BFSP1: variants seen among roughly 807,000 people sequenced by gnomAD.
BFSP1 encodes beaded filament structural protein 1.
Under a neutral mutation model 43.9 loss-of-function variants are expected in BFSP1, and 38 were observed. The ratio of observed to expected loss-of-function variants is 0.87; its 90% confidence interval spans 0.67 to 1.14. The LOEUF (loss-of-function observed/expected upper bound fraction) is 1.14, where lower values mean the gene tolerates loss of function less well. Among genes scored for constraint, BFSP1 ranks in the 50% most tolerant of loss-of-function variants. The probability of loss-of-function intolerance (pLI) is 0.00; values close to 1 mark genes in which losing one functional copy is unlikely to be tolerated. For synonymous variants in BFSP1, 352 were observed against 354.8 expected (o/e 0.99, Z 0.09); for missense variants, 850 against 875.1 (o/e 0.97, Z 0.36).
intron 2 of BFSP1, among the ~76,000 whole-genome samples, chr20:17,517,575 TG>T (rs1361081024): frequency 7.2e-5 from 11 of 152,184 alleles, no homozygotes; most frequent in Non-Finnish European, 1.3e-4. Context: ...TGAGCCACCG[TG>T]CCTGGCCAAC....
At chr20:17,551,692 AT>A (rs2034897771) in intron 1 of BFSP1, among the ~76,000 whole-genome samples, 1 of 152,190 alleles carries the variant, frequency 6.6e-6, no homozygotes, top group South Asian at 2.1e-4. Flanking sequence ...AGTGAAAAAA[AT>A]AAAATAAGGC....
At chr20:17,549,905 C>T (rs1316044744) in intron 1 of BFSP1, among the ~76,000 whole-genome samples, 1 of 152,090 alleles carries the variant, frequency 6.6e-6, no homozygotes, top group Admixed American at 6.6e-5. Flanking sequence ...ATCCAATCAC[C>T]TCTCACTAGG....
At chr20:17,551,282 G>C (rs2034892092) in intron 1 of BFSP1, among the ~76,000 whole-genome samples, 1 of 152,150 alleles carries the variant, frequency 6.6e-6, no homozygotes, top group Non-Finnish European at 1.5e-5. Context: ...AAGGCAAAGG[G>C]GGAGCTGTCT....
intron 1 of BFSP1, among the ~76,000 whole-genome samples, chr20:17,537,568 CAAAAAAAAA>C (rs901895418): frequency 1.6e-5 from 1 of 63,826 alleles, no homozygotes; most frequent in Non-Finnish European, 3.2e-5. Context: ...ACTGAAGCAC[CAAAAAAAAA>C]AAAAAAAAAA....
chr20:17,514,829 C>T lies in BFSP1; in HGVS notation c.439-13G>A, dbSNP rs2034163408. 1.2e-6 allele frequency: 2 copies of T among 1,611,760 alleles called. No homozygotes were observed. The highest frequency in any genetic ancestry group is 1.3e-5 in the African/African-American group (1 of 74,882). On this transcript the variant is annotated splice_polypyrimidine_tract_variant and intron_variant, in intron 2 of 7. Coordinates refer to ENST00000377873, the MANE Select transcript of BFSP1 (RefSeq NM_001195.5). ...CTTCATCAGCTTCCTGCAATGAGAG[C>T]CACATATCCCTGGCCACAGGCACCA...
chr20:17,543,326 A>T (rs980715151), intron 1 of BFSP1, among the ~76,000 whole-genome samples: 1 of 152,236 alleles, frequency 6.6e-6, no homozygotes, highest in Non-Finnish European at 1.5e-5. Flanking sequence ...AGAGCCCATG[A>T]AATGTTGTCT....
At chr20:17,517,000 G>C in intron 2 of BFSP1, 1 of 766,222 alleles carries the variant, frequency 1.3e-6, no homozygotes. Flanking sequence ...CTGGAGGATG[G>C]ATGTGCTTTG....
chr20:17,503,561 C>T (rs2033856414), intron 5 of BFSP1, among the ~76,000 whole-genome samples: 1 of 152,138 alleles, frequency 6.6e-6, no homozygotes, highest in South Asian at 2.1e-4. Flanking sequence ...TCATTATTTC[C>T]ACTTTACAGA....
rs2033970955 is a variant in BFSP1 at position 17,507,628 on chromosome 20, C to T, written c.735+1261G>A. Among the ~76,000 whole-genome samples, 1 of 151,966 alleles carries T rather than the reference C, an allele frequency of 6.6e-6. No individual in the cohort carries two copies. The highest frequency in any genetic ancestry group is 6.6e-5 in the Admixed American group (1 of 15,246). ...ACATACACATCCCACATATATCACACATACCATGTATATCACACACACACA... is the reference window on the plus strand; with the variant it reads ...ACATACACATCCCACATATATCACATATACCATGTATATCACACACACACA... On this transcript the variant is annotated intron_variant, in intron 5 of 7. Coordinates refer to ENST00000377873, the MANE Select transcript of BFSP1 (RefSeq NM_001195.5). This position sits in a 1 kb window ranked among gnomAD's most constrained non-coding sequence, Gnocchi z 4.4.
At chr20:17,552,049 A>G (rs541204267) in intron 1 of BFSP1, among the ~76,000 whole-genome samples, 4 of 152,326 alleles carry the variant, frequency 2.6e-5, no homozygotes, top group Middle Eastern at 3.4e-3. Flanking sequence ...CTTATATTCA[A>G]TTGGAGAAAA....
At chr20:17,516,369 T>G (rs1286481614) in intron 2 of BFSP1, among the ~76,000 whole-genome samples, 1 of 152,134 alleles carries the variant, frequency 6.6e-6, no homozygotes, top group Non-Finnish European at 1.5e-5. Context: ...TAAAAGGCAC[T>G]TGGTTCCTTA....
chr20:17,548,084 A>G lies in BFSP1; in HGVS notation c.2+10604T>C, dbSNP rs2034835487. Among the ~76,000 whole-genome samples, 6 of 151,108 alleles carry G rather than the reference A, an allele frequency of 4.0e-5. No homozygotes were observed. In the South Asian group the frequency reaches 1.3e-3, roughly 32 times the overall value. On this transcript the variant is annotated intron_variant, in intron 1 of 7. Coordinates refer to the BFSP1 transcript ENST00000377868. ...TTTTTATGGAAACGGGGGAAAAACAAATATTAATAGTGGGCATAATCTATC... is the reference window on the plus strand; with the variant it reads ...TTTTTATGGAAACGGGGGAAAAACAGATATTAATAGTGGGCATAATCTATC...
At chr20:17,546,031 C>T (rs981330795) in intron 1 of BFSP1, among the ~76,000 whole-genome samples, 5 of 152,132 alleles carry the variant, frequency 3.3e-5, no homozygotes, top group African/African-American at 7.2e-5. Context: ...CTTTCCTGTG[C>T]GAGATCCAAG....
intron 1 of BFSP1, chr20:17,558,590 G>C: frequency 7.5e-7 from 1 of 1,334,280 alleles, no homozygotes; most frequent in Non-Finnish European, 1.0e-6. Context: ...CCCGCTTGCT[G>C]TACCTTCTAC....
chr20:17,528,594 G>A (rs1428392245), intron 1 of BFSP1, among the ~76,000 whole-genome samples: 1 of 152,192 alleles, frequency 6.6e-6, no homozygotes, highest in East Asian at 1.9e-4. Context: ...TCAAGATACA[G>A]TGTTCCCGAA....
chr20:17,498,672 G>T, intron 6 of BFSP1, 148 bp downstream of exon 6: 1 of 938,988 alleles, frequency 1.1e-6, no homozygotes, highest in South Asian at 1.6e-5. Flanking sequence ...TCCCCTACTA[G>T]TTATCCAACA....
chr20:17,529,677 A>C (rs1017625176), intron 1 of BFSP1, among the ~76,000 whole-genome samples: 1 of 152,222 alleles, frequency 6.6e-6, no homozygotes, highest in African/African-American at 2.4e-5. Flanking sequence ...GTCTCCTTTT[A>C]ATGGGCATTT....
chr20:17,494,421 C>A lies in BFSP1; in HGVS notation c.1651G>T (p.Ala551Ser). 6.2e-7 allele frequency: 1 copy of A among 1,614,240 alleles called. No homozygotes were observed. The change falls in exon 8 of 8, where the codon GCA (alanine) becomes TCA (serine). Residue 551 changes from alanine to serine, a missense_variant. By Grantham distance (99) the Ala-to-Ser change is moderately conservative. Transcript: ENST00000377873. ...TTCTCTTCAGGGCCTTCCAGCTCTG[C>A]ACCATCTGGCTCAATCTCCTTGTCT... ...PIDKEIEPDG[A>S]ELEGPEEKRE...
rs141908653 is a variant in BFSP1, at chr20:17,557,480, C to T, written c.2+1208G>A. ...CTCTGCCCCCCTATGTCCCCTACAA[C>T]GTATTCTAGTGACTCAGTCCTGGGC... On this transcript the variant is annotated intron_variant, in intron 1 of 7. Coordinates refer to the BFSP1 transcript ENST00000377868. 2.1e-3 allele frequency among the ~76,000 whole-genome samples: 315 copies of T among 152,170 alleles called. 3 individuals are homozygous for T. The highest frequency in any genetic ancestry group is 6.9e-3 in the African/African-American group (285 of 41,516).
Sources: allele counts gnomAD v4.1 joint callset (sites outside exome capture counted in the v4.1 genomes callset), GRCh38; gene constraint gnomAD v4.1.1; non-coding constraint Gnocchi (gnomAD v3.1); transcripts MANE v1.5; gene names NCBI Gene and HGNC (gene_info 2026-07-23, HGNC 2026-07-21).